The following DDAH1 variants were observed in gnomAD, a reference collection of about 807,000 sequenced individuals.
The protein encoded by DDAH1 is N(G),N(G)-dimethylarginine dimethylaminohydrolase 1.
In DDAH1, 19 loss-of-function variants were observed where a neutral mutation model predicts 28.8. That is an observed-to-expected ratio of 0.66 (90% CI 0.46 to 0.97). The LOEUF (loss-of-function observed/expected upper bound fraction) is 0.97. Ranked by LOEUF, DDAH1 falls within the 50% of genes least tolerant of loss-of-function variation. The pLI is 0.00. For synonymous variants in DDAH1, 153 were observed against 154.4 expected (o/e 0.99, Z 0.07); for missense variants, 326 against 375.9 (o/e 0.87, Z 1.10).
At chr1:85,341,103 C>A (rs1355629559) in intron 4 of DDAH1, among the ~76,000 whole-genome samples, 7 of 152,216 alleles carry the variant, frequency 4.6e-5, no homozygotes. Flanking sequence ...TGTTGTGTTG[C>A]ACGGTGACAG....
rs527506008 is a variant in DDAH1 at position 85,491,289 on chromosome 1, G to C, written c.-7+4877C>G. Among the ~76,000 whole-genome samples, 26 of 152,086 alleles carry C rather than the reference G, an allele frequency of 1.7e-4. No individual in the cohort carries two copies. The South Asian group carries it at 2.5e-3, about 15-fold the overall frequency. On this transcript the variant is annotated intron_variant, in intron 2 of 6. Coordinates refer to the DDAH1 transcript ENST00000426972. ...GTCTCGAGCTCCTAACATGTCGTGT[G>C]CTCTTAATTGGGCCAATTATATTAC...
intron 2 of DDAH1, among the ~76,000 whole-genome samples, chr1:85,470,400 C>T (rs765563170): frequency 3.3e-5 from 5 of 152,172 alleles, no homozygotes; most frequent in Non-Finnish European, 5.9e-5. Context: ...GAAACTACCC[C>T]ACATGATTCA....
intron 1 of DDAH1, among the ~76,000 whole-genome samples, chr1:85,533,140 T>C (rs71654707): frequency 5.7e-4 from 87 of 152,304 alleles, no homozygotes; most frequent in Non-Finnish European, 1.0e-3. Context: ...AAGAACCTCA[T>C]AGGGTCTTAA....
chr1:85,424,476 T>A (rs1340482325), intron 1 of DDAH1, among the ~76,000 whole-genome samples: 6 of 152,114 alleles, frequency 3.9e-5, no homozygotes, highest in Non-Finnish European at 5.9e-5. Context: ...TGAACTAAGG[T>A]GATATCTGTC....
intron 1 of DDAH1, among the ~76,000 whole-genome samples, chr1:85,517,834 C>A (rs1657525001): frequency 6.6e-6 from 1 of 152,174 alleles, no homozygotes; most frequent in Admixed American, 6.5e-5. Flanking sequence ...TGAGACCCTT[C>A]ATCAGTGACT....
At chr1:85,348,417 C>T (rs888715985) in intron 4 of DDAH1, among the ~76,000 whole-genome samples, 10 of 152,184 alleles carry the variant, frequency 6.6e-5, no homozygotes, top group Non-Finnish European at 1.0e-4. Context: ...TGCTCCCTCA[C>T]GGTGATAATC....
intron 2 of DDAH1, among the ~76,000 whole-genome samples, chr1:85,354,005 C>G (rs1649365859): frequency 6.6e-6 from 1 of 152,168 alleles, no homozygotes; most frequent in South Asian, 2.1e-4. Flanking sequence ...CTGCTTATCT[C>G]TTCAAAGTAG....
intron 2 of DDAH1, chr1:85,482,436 T>G (rs1285586797): frequency 1.3e-5 from 2 of 152,180 alleles, no homozygotes; most frequent in Non-Finnish European, 2.9e-5. Context: ...AAAACAAAAC[T>G]GATATTGCAA....
chr1:85,404,396 T>G lies in DDAH1; in HGVS notation c.304-45549A>C, dbSNP rs1652302698. On this transcript the variant is annotated intron_variant, in intron 1 of 5. Coordinates refer to ENST00000284031, the MANE Select transcript of DDAH1 (RefSeq NM_012137.4). ...TTGTCCTTACCATAGCTGACTGCCA[T>G]CAAATTGCCATCCAGAACTGCTTTT... 2.0e-6 allele frequency: 3 copies of G among 1,535,184 alleles called. No homozygotes were observed. In the African/African-American group the frequency reaches 4.1e-5, roughly 21 times the overall value.
At chr1:85,476,345 A>C (rs1432919380) in intron 2 of DDAH1, among the ~76,000 whole-genome samples, 2 of 152,206 alleles carry the variant, frequency 1.3e-5, no homozygotes, top group Non-Finnish European at 2.9e-5. Flanking sequence ...TGTTTGGACC[A>C]TGATTTGTGG....
At chr1:85,438,236 C>G (rs886953737) in intron 1 of DDAH1, among the ~76,000 whole-genome samples, 21 of 152,048 alleles carry the variant, frequency 1.4e-4, no homozygotes, top group Admixed American at 9.8e-4. Flanking sequence ...ATGCTCAGTA[C>G]CTGGGTGATG....
intron 1 of DDAH1, among the ~76,000 whole-genome samples, chr1:85,433,693 T>C (rs1456182870): frequency 1.3e-5 from 2 of 152,224 alleles, no homozygotes; most frequent in Non-Finnish European, 2.9e-5. Flanking sequence ...AAAATAGTCA[T>C]GTTCTTTCAT....
At position 85,321,647 on chromosome 1, in the gene DDAH1, T is replaced by C. The variant is rs996489820; in HGVS notation, c.742-79A>G. 83 of 1,100,916 alleles carry C rather than the reference T, an allele frequency of 7.5e-5. No individual in the cohort carries two copies. In the African/African-American group the frequency reaches 1.2e-3, roughly 16 times the overall value. 68.2% of individuals were successfully genotyped at this position (1,100,916 alleles called of 1,614,324 possible). Reference sequence around the variant, plus strand: ...TCAGAAGTGGAGAATCAATTTGATTTGTACATCTAGGCTTTTCATTCATTT... The same window carrying C: ...TCAGAAGTGGAGAATCAATTTGATTCGTACATCTAGGCTTTTCATTCATTT... On this transcript the variant is annotated intron_variant, in intron 5 of 5. Coordinates refer to ENST00000284031, the MANE Select transcript of DDAH1 (RefSeq NM_012137.4).
intron 2 of DDAH1, among the ~76,000 whole-genome samples, chr1:85,491,364 A>G (rs1484349878): frequency 6.6e-6 from 1 of 152,138 alleles, no homozygotes; most frequent in Admixed American, 6.5e-5. Flanking sequence ...TATGACCTAA[A>G]CTGATTCAAT....
At chr1:85,478,026 T>TA (rs1374681971) in intron 2 of DDAH1, among the ~76,000 whole-genome samples, 1 of 151,612 alleles carries the variant, frequency 6.6e-6, no homozygotes. Flanking sequence ...ACTTTCCTTC[T>TA]AAAAAAAATT....
At chr1:85,360,297 G>A (rs1649718798) in intron 1 of DDAH1, among the ~76,000 whole-genome samples, 1 of 152,132 alleles carries the variant, frequency 6.6e-6, no homozygotes, top group Non-Finnish European at 1.5e-5. Context: ...GAGTGACTCA[G>A]AACAATAAAA....
intron 4 of DDAH1, among the ~76,000 whole-genome samples, chr1:85,333,347 A>G (rs1199811868): frequency 6.6e-6 from 1 of 152,214 alleles, no homozygotes; most frequent in Admixed American, 6.5e-5. Flanking sequence ...TATGAAAACC[A>G]ATCTAAAAAA....
chr1:85,348,686 AG>A (rs1649013687), intron 4 of DDAH1, among the ~76,000 whole-genome samples: 1 of 152,232 alleles, frequency 6.6e-6, no homozygotes, highest in Non-Finnish European at 1.5e-5. Context: ...CTGAATATCT[AG>A]GCCTCAGGGA....
Position 85,321,528 on chromosome 1 carries a change from C to A in DDAH1, c.782G>T (p.Ser261Ile). The A allele has an allele frequency of 6.2e-7, 1 of 1,614,160 alleles. No individual in the cohort carries two copies. Among genetic ancestry groups the A allele is most frequent in the Non-Finnish European group, 8.5e-7 (1 of 1,179,984 alleles). ...ATCCACCTTTTCCAGTTCAGACATGCTCACGGGGATCAGCATATGGTCCTT... is the reference window on the plus strand; with the variant it reads ...ATCCACCTTTTCCAGTTCAGACATGATCACGGGGATCAGCATATGGTCCTT... ...KLKDHMLIPV[S>I]MSELEKVDGL... The change falls in exon 6 of 6, where the codon AGC (serine) becomes ATC (isoleucine). Residue 261 changes from serine (S) to isoleucine (I), a missense_variant. Physicochemically the swap from Ser to Ile is moderately radical, Grantham distance 142 (BLOSUM62 -2). Transcript: ENST00000284031.
Sources: allele counts gnomAD v4.1 joint callset (sites outside exome capture counted in the v4.1 genomes callset), GRCh38; gene constraint gnomAD v4.1.1; transcripts MANE v1.5; gene names NCBI Gene and HGNC (gene_info 2026-07-23, HGNC 2026-07-21).